Variants in PRKCH observed in about 807,000 individuals in gnomAD.
PRKCH encodes protein kinase C eta, also known as protein kinase C eta type.
A neutral mutation model predicts 82.5 loss-of-function variants in PRKCH; 28 were observed. That is an observed-to-expected ratio of 0.34 (90% CI 0.25 to 0.47). PRKCH has a LOEUF of 0.47. Ranked by LOEUF, PRKCH falls within the 20% of genes least tolerant of loss-of-function variation. The probability of loss-of-function intolerance (pLI) is 1.00; values close to 1 mark genes in which losing one functional copy is unlikely to be tolerated. For missense variants in PRKCH, 705 were observed against 881.8 expected (o/e 0.80, Z 2.54); for synonymous variants, 322 against 327.4 (o/e 0.98, Z 0.18).
intron 10 of PRKCH, among the ~76,000 whole-genome samples, chr14:61,500,806 AG>A (rs1934082408): frequency 6.6e-6 from 1 of 152,114 alleles, no homozygotes; most frequent in African/African-American, 2.4e-5. Context: ...ACATGGGCTG[AG>A]CACGGGGGTG....
At chr14:61,334,624 G>A (rs2140130881) in intron 1 of PRKCH, among the ~76,000 whole-genome samples, 1 of 152,318 alleles carries the variant, frequency 6.6e-6, no homozygotes, top group East Asian at 1.9e-4. Context: ...GAGGGTGGCA[G>A]AAAGAGAGTC....
chr14:61,488,519 T>G (rs2140334742), intron 10 of PRKCH, among the ~76,000 whole-genome samples: 1 of 152,208 alleles, frequency 6.6e-6, no homozygotes, highest in East Asian at 1.9e-4. Context: ...CAAACCATGG[T>G]TCTAACCACT....
chr14:61,308,832 T>G (rs2045501179), intron 1 of PRKCH, among the ~76,000 whole-genome samples: 1 of 149,982 alleles, frequency 6.7e-6, no homozygotes, highest in Non-Finnish European at 1.5e-5. Flanking sequence ...TCTCACTATG[T>G]TGCCCAGACT....
chr14:61,437,450 G>A (rs149590330), intron 2 of PRKCH, among the ~76,000 whole-genome samples: 14 of 152,128 alleles, frequency 9.2e-5, no homozygotes, highest in African/African-American at 1.2e-4. Context: ...TTTCTCCCAC[G>A]TGTACAAATG....
At position 61,268,388 on chromosome 14, in the gene PRKCH, G is replaced by A. The variant is rs114703281; in HGVS notation, c.-19+80720G>A. On this transcript the variant is annotated intron_variant, in intron 1 of 3. Coordinates refer to the PRKCH transcript ENST00000555185. ...TTTACAAAAATTTATATTTCTGGCC[G>A]GGTGCGATGGCTCACACCTGTAATC... is the stretch of plus-strand genomic sequence containing the variant. Among the ~76,000 whole-genome samples the A allele has an allele frequency of 4.2e-3, 644 of 152,236 alleles. 7 individuals carry two copies. Among genetic ancestry groups the A allele is most frequent in the African/African-American group, 0.014 (591 of 41,534 alleles).
intron 10 of PRKCH, among the ~76,000 whole-genome samples, chr14:61,505,379 T>C (rs899650000): frequency 4.1e-5 from 5 of 122,418 alleles, no homozygotes; most frequent in African/African-American, 1.6e-4. Context: ...ATTTGTCTTT[T>C]CTTTTCTTTT....
At chr14:61,547,084 C>G (rs1265471391) in intron 12 of PRKCH, among the ~76,000 whole-genome samples, 7 of 152,226 alleles carry the variant, frequency 4.6e-5, no homozygotes, top group South Asian at 4.1e-4. Flanking sequence ...GCAATGGAAT[C>G]TCAGTCATTG....
intron 9 of PRKCH, chr14:61,477,061 C>T (rs1261540671): frequency 1.3e-5 from 2 of 152,168 alleles, no homozygotes; most frequent in Non-Finnish European, 2.9e-5. Flanking sequence ...CCCTGCTCAC[C>T]CTGTAGATGA....
At chr14:61,354,137 G>C (rs1006653212) in intron 1 of PRKCH, 1 of 152,160 alleles carries the variant, frequency 6.6e-6, no homozygotes, top group African/African-American at 2.4e-5. Context: ...TGGAACAATT[G>C]CTTCCAAACA....
At chr14:61,471,146 T>A (rs576946026) in intron 9 of PRKCH, among the ~76,000 whole-genome samples, 64 of 152,366 alleles carry the variant, frequency 4.2e-4, no homozygotes, top group South Asian at 3.5e-3. Flanking sequence ...AGAAGGAGGC[T>A]AATAGCAGCA....
intron 9 of PRKCH, among the ~76,000 whole-genome samples, chr14:61,460,362 G>A (rs1479489611): frequency 1.3e-5 from 2 of 152,006 alleles, no homozygotes; most frequent in Non-Finnish European, 2.9e-5. Flanking sequence ...TTTTGTCTTT[G>A]TGTGCTTATG....
chr14:61,191,425 C>A (rs1006975072), intron 1 of PRKCH, among the ~76,000 whole-genome samples: 1 of 152,220 alleles, frequency 6.6e-6, no homozygotes, highest in East Asian at 1.9e-4. Context: ...GTAATCCCAG[C>A]ATTTTAGGAG....
intron 2 of PRKCH, among the ~76,000 whole-genome samples, chr14:61,434,431 C>T (rs902133384): frequency 2.0e-5 from 3 of 151,860 alleles, no homozygotes; most frequent in African/African-American, 4.8e-5. Context: ...TGAAGAATGT[C>T]TGACCTACTG....
At chr14:61,308,267 A>G (rs2045497049) in intron 1 of PRKCH, among the ~76,000 whole-genome samples, 1 of 152,260 alleles carries the variant, frequency 6.6e-6, no homozygotes, top group African/African-American at 2.4e-5. Context: ...GTGGAAATAT[A>G]GATGCTAGAA....
At chr14:61,324,590 C>T (rs1044108560) in intron 1 of PRKCH, among the ~76,000 whole-genome samples, 4 of 151,898 alleles carry the variant, frequency 2.6e-5, no homozygotes, top group Admixed American at 1.3e-4. Context: ...GGAATGCATG[C>T]TTTTTTAAAA....
rs143048524 is a variant in PRKCH, at chr14:61,391,143, G to A, written c.364-82G>A. The A allele has an allele frequency of 7.2e-4, 787 of 1,099,898 alleles. 10 individuals are homozygous for A. In the East Asian group the frequency reaches 8.9e-3, roughly 12 times the overall value. The allele number at this position is 1,099,898 out of a possible 1,614,324, so 68.1% of individuals were successfully genotyped here. ...TTTGTGGCTGTGATTTACACATTAG[G>A]CCTCTCTGTGATGAATTGTTTAAGG... On this transcript the variant is annotated intron_variant, in intron 1 of 13. Transcript: ENST00000332981.
chr14:61,487,513 A>T (rs1160543544), intron 10 of PRKCH, among the ~76,000 whole-genome samples: 4 of 152,138 alleles, frequency 2.6e-5, no homozygotes, highest in Non-Finnish European at 5.9e-5. Context: ...TCCTCATGCT[A>T]TCAGACTCCA....
At chr14:61,505,395 C>CTTTTTTTTTTTTTTTTTTTT (rs60304150) in intron 10 of PRKCH, among the ~76,000 whole-genome samples, 15 of 55,760 alleles carry the variant, frequency 2.7e-4, no homozygotes, top group African/African-American at 4.5e-4. Flanking sequence ...CTTTTCTTTT[C>CTTTTTTTTTTTTTTTTTTTT]TTTTTTTTTT....
At chr14:61,473,908 C>T (rs927929558) in intron 9 of PRKCH, among the ~76,000 whole-genome samples, 7 of 151,814 alleles carry the variant, frequency 4.6e-5, no homozygotes, top group Non-Finnish European at 7.4e-5. Flanking sequence ...CAGGGAGAAT[C>T]GCTTGCACCC....
Sources: allele counts gnomAD v4.1 joint callset (sites outside exome capture counted in the v4.1 genomes callset), GRCh38; gene constraint gnomAD v4.1.1; transcripts MANE v1.5; gene names NCBI Gene and HGNC (gene_info 2026-07-23, HGNC 2026-07-21).